PAG1: variants seen among roughly 807,000 people sequenced by gnomAD.
PAG1 encodes phosphoprotein associated with glycosphingolipid-enriched microdomains 1.
A neutral mutation model predicts 31.7 loss-of-function variants in PAG1; 23 were observed. The ratio of observed to expected loss-of-function variants is 0.73; its 90% confidence interval spans 0.52 to 1.03. The LOEUF (loss-of-function observed/expected upper bound fraction) is 1.03. PAG1 is among the 50% of genes least tolerant of loss of function. The pLI is 0.00. For missense variants in PAG1, 473 were observed against 540.7 expected (o/e 0.87, Z 1.24); for synonymous variants, 214 against 210.3 (o/e 1.02, Z -0.15).
At chr8:81,073,885 T>A (rs983021220) in intron 1 of PAG1, among the ~76,000 whole-genome samples, 2 of 151,972 alleles carry the variant, frequency 1.3e-5, no homozygotes, top group Non-Finnish European at 2.9e-5. Flanking sequence ...GAGAAAATGT[T>A]AGCTGAGCAC....
chr8:80,996,376 T>C (rs544872023), intron 3 of PAG1, among the ~76,000 whole-genome samples: 39 of 152,346 alleles, frequency 2.6e-4, no homozygotes, highest in African/African-American at 9.4e-4. Context: ...TGGTGGACGG[T>C]TCCCATTTTG....
rs753216202 is a variant in PAG1 at position 81,103,898 on chromosome 8, C to CT, written c.-234+7692dup. On this transcript the variant is annotated intron_variant, in intron 1 of 8. Transcript: ENST00000220597. ...GCACCAACAAAATGATTCTTTCATTCTTTCCATTCTCCCATGAAGCCTGTG... is the reference window on the plus strand; with the variant it reads ...GCACCAACAAAATGATTCTTTCATTCTTTTCCATTCTCCCATGAAGCCTGTG... Among the ~76,000 whole-genome samples the CT allele has an allele frequency of 2.1e-4, 32 of 152,278 alleles. 1 individual carries two copies. The highest frequency in any genetic ancestry group is 5.5e-4 in the African/African-American group (23 of 41,554).
At position 81,018,107 on chromosome 8, in the gene PAG1, C is replaced by T. The variant is rs1018904552; in HGVS notation, c.-81+11889G>A. Reference sequence around the variant, plus strand: ...ATAAGTAACTTCCTGATAATTAACTCGACAAGCATAATATGAACATTTGGC... The same window carrying T: ...ATAAGTAACTTCCTGATAATTAACTTGACAAGCATAATATGAACATTTGGC... On this transcript the variant is annotated intron_variant, in intron 3 of 8. Transcript: ENST00000220597. Among the ~76,000 whole-genome samples the T allele has an allele frequency of 7.2e-5, 11 of 152,108 alleles. No homozygotes were observed. In the South Asian group the frequency reaches 1.0e-3, roughly 14 times the overall value.
chr8:81,068,266 G>C (rs915478268), intron 2 of PAG1, among the ~76,000 whole-genome samples: 1 of 152,144 alleles, frequency 6.6e-6, no homozygotes, highest in African/African-American at 2.4e-5. Context: ...CAAGGCACAG[G>C]CACATTGGAA....
At chr8:81,105,015 G>C (rs1809671156) in intron 1 of PAG1, among the ~76,000 whole-genome samples, 1 of 151,938 alleles carries the variant, frequency 6.6e-6, no homozygotes, top group Non-Finnish European at 1.5e-5. Context: ...CGCCTCTCCG[G>C]TACCTTTGTT....
At chr8:81,104,642 A>G (rs1006839539) in intron 1 of PAG1, among the ~76,000 whole-genome samples, 1 of 151,946 alleles carries the variant, frequency 6.6e-6, no homozygotes, top group African/African-American at 2.4e-5. Flanking sequence ...ATCATCTCCA[A>G]TGGCAGCCTT....
intron 5 of PAG1, among the ~76,000 whole-genome samples, chr8:80,991,217 C>G (rs981430215): frequency 2.0e-5 from 3 of 152,172 alleles, no homozygotes; most frequent in African/African-American, 7.2e-5. Context: ...TTTAAGCCAC[C>G]CTGTTTGCGG....
At chr8:81,018,347 G>T (rs1808106093) in intron 3 of PAG1, among the ~76,000 whole-genome samples, 1 of 152,068 alleles carries the variant, frequency 6.6e-6, no homozygotes, top group East Asian at 1.9e-4. Context: ...ACAAATTAAG[G>T]CACAATTTAA....
At chr8:81,069,156 G>A (rs1217656453) in intron 2 of PAG1, among the ~76,000 whole-genome samples, 1 of 152,180 alleles carries the variant, frequency 6.6e-6, no homozygotes, top group African/African-American at 2.4e-5. Flanking sequence ...CCTCAGAGGG[G>A]AACCAAAATA....
intron 7 of PAG1, among the ~76,000 whole-genome samples, chr8:80,982,639 T>C (rs550463033): frequency 5.3e-5 from 8 of 152,340 alleles, no homozygotes; most frequent in African/African-American, 1.7e-4. Flanking sequence ...TGATAAGCTC[T>C]ACTTGGAAGT....
intron 1 of PAG1, among the ~76,000 whole-genome samples, chr8:81,074,183 C>T (rs1809139768): frequency 6.6e-6 from 1 of 152,194 alleles, no homozygotes; most frequent in African/African-American, 2.4e-5. Context: ...AATAGCGGCA[C>T]AGGGACCCAC....
intron 3 of PAG1, among the ~76,000 whole-genome samples, chr8:81,013,733 C>T (rs1808023988): frequency 6.6e-6 from 1 of 152,102 alleles, no homozygotes; most frequent in Admixed American, 6.6e-5. Flanking sequence ...GTGTCTGCCA[C>T]CATGCCTGGC....
At position 80,976,345 on chromosome 8, in the gene PAG1, C is replaced by G; in HGVS notation, c.*199G>C. 3.6e-6 allele frequency: 2 copies of G among 553,756 alleles called. No individual in the cohort carries two copies. The highest frequency in any genetic ancestry group is 3.2e-6 in the Non-Finnish European group (1 of 316,204). The allele number at this position is 553,756 out of a possible 1,614,324, so 34.3% of individuals were successfully genotyped here. ...TACCTGTCCATCTGGCAGGCAGGGG[C>G]ACACTCAGGTGCAGCCTAGTCCGTA... On this transcript the variant is annotated 3_prime_UTR_variant, in exon 9 of 9. Coordinates refer to ENST00000220597, the MANE Select transcript of PAG1 (RefSeq NM_018440.4).
At chr8:81,065,172 T>G (rs1586198242) in intron 2 of PAG1, among the ~76,000 whole-genome samples, 1 of 152,186 alleles carries the variant, frequency 6.6e-6, no homozygotes, top group Non-Finnish European at 1.5e-5. Flanking sequence ...GCACAATTTC[T>G]AAGAAAACTG....
chr8:80,993,679 C>T (rs1318022388), intron 3 of PAG1, among the ~76,000 whole-genome samples: 1 of 151,614 alleles, frequency 6.6e-6, no homozygotes, highest in Non-Finnish European at 1.5e-5. Flanking sequence ...ATCACTGCAG[C>T]CTTGACCTCC....
At position 80,976,226 on chromosome 8, in the gene PAG1, T is replaced by C. The variant is rs1057248166; in HGVS notation, c.*318A>G. 1.2e-5 allele frequency: 3 copies of C among 259,166 alleles called. No individual in the cohort carries two copies. The highest frequency in any genetic ancestry group is 2.2e-5 in the Non-Finnish European group (3 of 137,636). The allele number at this position is 259,166 out of a possible 1,614,324, so 16.1% of individuals were successfully genotyped here. On this transcript the variant is annotated 3_prime_UTR_variant, in exon 9 of 9. Coordinates refer to ENST00000220597, the MANE Select transcript of PAG1 (RefSeq NM_018440.4). ...GTCCTTGGTGAGTGCAGCTTTTCCA[T>C]ACAGCTTGGCTTTCCTCACTAATGA... is the stretch of plus-strand genomic sequence containing the variant.
At chr8:81,007,847 C>T (rs1320751164) in intron 3 of PAG1, among the ~76,000 whole-genome samples, 1 of 152,000 alleles carries the variant, frequency 6.6e-6, no homozygotes, top group African/African-American at 2.4e-5. Flanking sequence ...GTGGCCCTGC[C>T]AATGCTTACT....
Position 81,051,859 on chromosome 8 carries a change from G to A in PAG1, c.-175+18253C>T, listed in dbSNP as rs536288867. Reference sequence around the variant, plus strand: ...AGACTATAAACTATTGGCCGGGCGCGGTGGCTCACACCTGTAATCCCAGCA... The same window carrying A: ...AGACTATAAACTATTGGCCGGGCGCAGTGGCTCACACCTGTAATCCCAGCA... On this transcript the variant is annotated intron_variant, in intron 2 of 8. Transcript: ENST00000220597. 2.6e-5 allele frequency among the ~76,000 whole-genome samples: 4 copies of A among 152,210 alleles called. No individual in the cohort carries two copies. The East Asian group carries it at 7.7e-4, about 29-fold the overall frequency.
Position 81,005,025 on chromosome 8 carries a change from A to G in PAG1, c.-80-11718T>C, listed in dbSNP as rs116342451. On this transcript the variant is annotated intron_variant, in intron 3 of 8. Transcript: ENST00000220597. ...CACTTTACAGTTAAAGTGAAAGCTT[A>G]AAACAGAAAATATTCATGCAAGAGG... is the stretch of plus-strand genomic sequence containing the variant. Among the ~76,000 whole-genome samples, 1,130 of 152,362 alleles carry G rather than the reference A, an allele frequency of 7.4e-3. 13 individuals are homozygous for G. Among genetic ancestry groups the G allele is most frequent in the African/African-American group, 0.025 (1,025 of 41,592 alleles).
Sources: gnomAD v4.1 joint callset for allele counts (sites outside exome capture counted in the v4.1 genomes callset) on GRCh38, gnomAD v4.1.1 for gene constraint, MANE v1.5 for transcripts, NCBI Gene and HGNC (gene_info 2026-07-23, HGNC 2026-07-21) for gene names.